Variants in TFEC observed in about 807,000 individuals in gnomAD.
TFEC encodes the protein class E basic helix-loop-helix protein 34.
In TFEC, 31 loss-of-function variants were observed where a neutral mutation model predicts 41.6. That is an observed-to-expected ratio of 0.74 (90% CI 0.56 to 1.01). The LOEUF is 1.01. Ranked by LOEUF, TFEC falls within the 50% of genes least tolerant of loss-of-function variation. TFEC has a pLI of 0.00. For synonymous variants in TFEC, 143 were observed against 140.6 expected, an observed-to-expected ratio of 1.02 and a Z score of -0.12; for missense variants, 402 against 404.1, an observed-to-expected ratio of 0.99 and a Z score of 0.04.
At chr7:116,114,472 CAA>C (rs1205884189) in intron 1 of TFEC, among the ~76,000 whole-genome samples, 1 of 151,934 alleles carries the variant, frequency 6.6e-6, no homozygotes, top group Admixed American at 6.6e-5. Context: ...TTGCAAAGGG[CAA>C]GCGTAAGGGG....
At chr7:115,977,849 A>T (rs2130629658) in intron 2 of TFEC, among the ~76,000 whole-genome samples, 1 of 152,140 alleles carries the variant, frequency 6.6e-6, no homozygotes, top group South Asian at 2.1e-4. Flanking sequence ...ATACTAAGGT[A>T]GATTTTTACT....
chr7:116,109,245 C>A (rs574660725), intron 3 of TFEC, among the ~76,000 whole-genome samples: 66 of 152,162 alleles, frequency 4.3e-4, no homozygotes, highest in African/African-American at 1.3e-3. Flanking sequence ...AACTAAAGAG[C>A]TTCTGCACAG....
At chr7:116,034,459 A>G (rs967385975), upstream of TFEC, among the ~76,000 whole-genome samples, 2 of 151,800 alleles carry the variant, frequency 1.3e-5, no homozygotes, top group African/African-American at 4.8e-5. Context: ...CACCATCTTC[A>G]TCCCTCCAGC....
chr7:116,125,627 G>A (rs1030556174), intron 1 of TFEC, among the ~76,000 whole-genome samples: 3 of 151,940 alleles, frequency 2.0e-5, no homozygotes, highest in African/African-American at 4.8e-5. Flanking sequence ...AGAGTGGAAG[G>A]GACAATTCCA....
At chr7:116,122,826 T>C (rs536518420) in intron 1 of TFEC, among the ~76,000 whole-genome samples, 6 of 152,186 alleles carry the variant, frequency 3.9e-5, no homozygotes, top group African/African-American at 1.2e-4. Context: ...ACTTTCCTCA[T>C]TGTGGCCAAC....
At chr7:116,148,845 T>A (rs1414336213) in intron 1 of TFEC, among the ~76,000 whole-genome samples, 2 of 151,070 alleles carry the variant, frequency 1.3e-5, no homozygotes, top group Non-Finnish European at 2.9e-5. Context: ...TCACATAGGG[T>A]CGCTAATTAA....
At chr7:116,146,233 T>C (rs899860889) in intron 1 of TFEC, among the ~76,000 whole-genome samples, 1 of 152,188 alleles carries the variant, frequency 6.6e-6, no homozygotes, top group African/African-American at 2.4e-5. Context: ...CCGGTACTGC[T>C]TGCCAATCCC....
At chr7:116,062,492 A>T (rs1796586947) in intron 3 of TFEC, among the ~76,000 whole-genome samples, 1 of 141,986 alleles carries the variant, frequency 7.0e-6, no homozygotes, top group Non-Finnish European at 1.5e-5. Context: ...TAAGAATAAT[A>T]GTCTCTAATT....
intron 1 of TFEC, among the ~76,000 whole-genome samples, chr7:116,010,253 G>A (rs916582000): frequency 3.3e-5 from 5 of 152,086 alleles, no homozygotes; most frequent in Non-Finnish European, 7.4e-5. Context: ...GCAAATAAAA[G>A]TTTATTCAGA....
intron 3 of TFEC, among the ~76,000 whole-genome samples, chr7:115,965,398 A>G (rs1202271034): frequency 4.6e-5 from 7 of 151,732 alleles, no homozygotes; most frequent in Admixed American, 4.0e-4. Context: ...ACTGTTTACC[A>G]TATATCCTTA....
intron 6 of TFEC, among the ~76,000 whole-genome samples, chr7:115,949,722 C>A (rs573464601): frequency 6.6e-6 from 1 of 151,820 alleles, no homozygotes; most frequent in African/African-American, 2.4e-5. Context: ...AAGACTTAAA[C>A]GTTAGACCTA....
At chr7:116,090,198 T>C (rs576060692) in intron 3 of TFEC, among the ~76,000 whole-genome samples, 1 of 152,332 alleles carries the variant, frequency 6.6e-6, no homozygotes, top group South Asian at 2.1e-4. Flanking sequence ...GACGTTTGCA[T>C]AGGAGTGTGA....
chr7:116,085,061 C>T (rs1797171801), intron 3 of TFEC, among the ~76,000 whole-genome samples: 1 of 151,756 alleles, frequency 6.6e-6, no homozygotes, highest in South Asian at 2.1e-4. Flanking sequence ...GGACCATCAA[C>T]TTAAAGAATA....
chr7:115,972,396 A>T lies in TFEC; in HGVS notation c.267+1774T>A, dbSNP rs187648370. Among the ~76,000 whole-genome samples, 215 of 152,184 alleles carry T rather than the reference A, an allele frequency of 1.4e-3. 1 individual carries two copies. The highest frequency in any genetic ancestry group is 0.012 in the Admixed American group (186 of 15,234). On this transcript the variant is annotated intron_variant, in intron 3 of 7. Transcript: ENST00000265440. ...TAATACAGAAATAGATACCAAAGCA[A>T]AGGCAGGTTACGTGATTTGCACAAT...
intron 3 of TFEC, among the ~76,000 whole-genome samples, chr7:116,048,309 A>G (rs1034333859): frequency 6.6e-6 from 1 of 152,272 alleles, no homozygotes; most frequent in Non-Finnish European, 1.5e-5. Context: ...GCTGAAAACC[A>G]TGGCACCAGA....
At chr7:116,070,235 T>G (rs1796796206) in intron 3 of TFEC, among the ~76,000 whole-genome samples, 1 of 151,426 alleles carries the variant, frequency 6.6e-6, no homozygotes, top group Non-Finnish European at 1.5e-5. Context: ...TAATTATTAA[T>G]AAAACCTATA....
At chr7:115,985,647 T>C (rs1398695689) in intron 1 of TFEC, among the ~76,000 whole-genome samples, 1 of 152,150 alleles carries the variant, frequency 6.6e-6, no homozygotes, top group Non-Finnish European at 1.5e-5. Context: ...GTTACTTTAG[T>C]TTAATTCTGT....
At chr7:116,058,628 G>T (rs1392925171) in intron 3 of TFEC, among the ~76,000 whole-genome samples, 2 of 151,552 alleles carry the variant, frequency 1.3e-5, no homozygotes, top group African/African-American at 4.8e-5. Flanking sequence ...ACCAAGACAG[G>T]TCATACTATG....
chr7:115,959,684 A>G (rs576352894), intron 3 of TFEC, among the ~76,000 whole-genome samples: 2 of 151,754 alleles, frequency 1.3e-5, no homozygotes, highest in Non-Finnish European at 2.9e-5. Context: ...GATATGAGAA[A>G]TAGAATGCTT....
Sources: allele counts gnomAD v4.1 joint callset (sites outside exome capture counted in the v4.1 genomes callset), GRCh38; gene constraint gnomAD v4.1.1; transcripts MANE v1.5; gene names NCBI Gene and HGNC (gene_info 2026-07-23, HGNC 2026-07-21).